The following FAM120AOS variants were observed in gnomAD, a reference collection of about 807,000 sequenced individuals.
FAM120AOS encodes uncharacterized protein FAM120AOS.
FAM120AOS carries 15 observed loss-of-function variants against 20.2 expected under a neutral mutation model. The observed-to-expected ratio is 0.74, with a 90% CI of 0.50 to 1.15. The LOEUF is 1.15. Among genes scored for constraint, FAM120AOS ranks in the 50% most tolerant of loss-of-function variants. The pLI, the probability that FAM120AOS is intolerant of heterozygous loss-of-function variation, is 0.00. For synonymous variants in FAM120AOS, 154 were observed against 154.0 expected, an observed-to-expected ratio of 1.00 and a Z score of 0.00; for missense variants, 327 against 351.9, an observed-to-expected ratio of 0.93 and a Z score of 0.57.
At chr9:93,448,686 C>T (rs796374093) in intron 2 of FAM120AOS, among the ~76,000 whole-genome samples, 43 of 152,186 alleles carry the variant, frequency 2.8e-4, no homozygotes, top group African/African-American at 9.4e-4. Flanking sequence ...GGCGTGATCT[C>T]GGCTCACTGC....
At chr9:93,450,302 GATAAC>G (rs1170873192) in intron 2 of FAM120AOS, among the ~76,000 whole-genome samples, 172 bp downstream of exon 2, 1 of 152,194 alleles carries the variant, frequency 6.6e-6, no homozygotes, top group African/African-American at 2.4e-5. Context: ...ATTATTTTTA[GATAAC>G]ATGTCATCCT....
intron 1 of FAM120AOS, chr9:93,451,389 C>T: frequency 7.2e-7 from 1 of 1,396,114 alleles, no homozygotes; most frequent in Non-Finnish European, 9.3e-7. Flanking sequence ...GCCTCTCTGG[C>T]CCTGCCGGGA....
At position 93,443,377 on chromosome 9, in the gene FAM120AOS, A is replaced by C. The variant is rs528919235; in HGVS notation, c.*4234T>G. Among the ~76,000 whole-genome samples, 4 of 152,342 alleles carry C rather than the reference A, an allele frequency of 2.6e-5. No individual in the cohort carries two copies. The highest frequency in any genetic ancestry group is 1.3e-4 in the Admixed American group (2 of 15,302). On this transcript the variant is annotated 3_prime_UTR_variant, in exon 3 of 3. Transcript: ENST00000375412. ...TGTTTCCTTATACATTTCTAACAGT[A>C]CAAGATTATCAATGTTTTGACAATT...
chr9:93,450,812 CAGA>C lies in FAM120AOS; in HGVS notation c.564-216_564-214del. The stretch of plus-strand genomic sequence containing the variant: ...AGAATTTACGTAAACGACCTCCTTC[CAGA>C]AGATGCTACTAAAGCAACAAGATTC... On this transcript the variant is annotated intron_variant, in intron 1 of 2. Coordinates refer to ENST00000375412, the MANE Select transcript of FAM120AOS (RefSeq NM_198841.4). The C allele has an allele frequency of 4.3e-6, 4 of 937,600 alleles. No individual in the cohort carries two copies. The South Asian group carries it at 5.6e-5, about 13-fold the overall frequency. 58.1% of individuals were successfully genotyped at this position (937,600 alleles called of 1,614,324 possible).
At chr9:93,451,252 G>A (rs2131152547) in intron 1 of FAM120AOS, 1 of 1,507,036 alleles carries the variant, frequency 6.6e-7, no homozygotes, top group Non-Finnish European at 8.9e-7. Flanking sequence ...GACGAACAGA[G>A]TGACTCGGCC....
In FAM120AOS at chr9:93,446,189, T is replaced by C. The variant is rs1299250384; in HGVS notation, c.*1422A>G. ...GCTCTCGTCAACCCTGACCTCTTCC[T>C]TTGTCAGCAAGGTCAAACGCCTGAG... is the stretch of plus-strand genomic sequence containing the variant. On this transcript the variant is annotated 3_prime_UTR_variant, in exon 3 of 3. Transcript: ENST00000375412. Among the ~76,000 whole-genome samples the C allele has an allele frequency of 6.6e-6, 1 of 152,222 alleles. No homozygotes were observed. Among genetic ancestry groups the C allele is most frequent in the Non-Finnish European group, 1.5e-5 (1 of 68,032 alleles).
chr9:93,451,839 G>T (rs1857233703), intron 1 of FAM120AOS: 1 of 745,058 alleles, frequency 1.3e-6, no homozygotes, highest in Non-Finnish European at 1.5e-6. Flanking sequence ...CCGCCAGCCC[G>T]CCCGCGCGCC....
rs1171193813 is a variant in FAM120AOS at position 93,453,462 on chromosome 9, C to G, written c.-753G>C. On this transcript the variant is annotated 5_prime_UTR_variant, in exon 1 of 3. Transcript: ENST00000375412. ...GCCTTTTTGTTGTCTTAGCTCTTGA[C>G]ACTCGGTCTTCCATCTTGTCATTTG... The G allele has an allele frequency of 2.0e-6, 2 of 985,322 alleles. No individual in the cohort carries two copies. The allele number at this position is 985,322 out of a possible 1,614,324, so 61.0% of individuals were successfully genotyped here.
Position 93,444,027 on chromosome 9 carries a change from A to AT in FAM120AOS, c.*3583dup, listed in dbSNP as rs1173681296. Among the ~76,000 whole-genome samples the AT allele has an allele frequency of 2.0e-5, 3 of 151,888 alleles. No homozygotes were observed. The East Asian group carries it at 5.8e-4, about 29-fold the overall frequency. On this transcript the variant is annotated 3_prime_UTR_variant, in exon 3 of 3. Coordinates refer to ENST00000375412, the MANE Select transcript of FAM120AOS (RefSeq NM_198841.4). ...GAAAGACAGGTTTTCTCTCAGGGGA[A>AT]TTTTTTTGTTTGTTTTTGTTTTTGT... is the stretch of plus-strand genomic sequence containing the variant.
chr9:93,451,831 G>A (rs1487327526), intron 1 of FAM120AOS: 5 of 598,428 alleles, frequency 8.4e-6, no homozygotes, highest in Non-Finnish European at 7.7e-6. Context: ...GCCCCCGCCC[G>A]CCAGCCCGCC....
At position 93,444,572 on chromosome 9, in the gene FAM120AOS, C is replaced by T. The variant is rs147656988; in HGVS notation, c.*3039G>A. Among the ~76,000 whole-genome samples, 1 of 151,834 alleles carries T rather than the reference C, an allele frequency of 6.6e-6. No individual in the cohort carries two copies. Among genetic ancestry groups the T allele is most frequent in the Non-Finnish European group, 1.5e-5 (1 of 67,976 alleles). The stretch of plus-strand genomic sequence containing the variant: ...ACAGGATTTCTAGACCTGTAGGTTA[C>T]GGAAATGTCACAGTATGTTTTGAGG... On this transcript the variant is annotated 3_prime_UTR_variant, in exon 3 of 3. Coordinates refer to ENST00000375412, the MANE Select transcript of FAM120AOS (RefSeq NM_198841.4).
rs139280900 is a variant in FAM120AOS at position 93,448,233 on chromosome 9, C to G, written c.685-536G>C. 1.3e-3 allele frequency: 202 copies of G among 154,238 alleles called. 1 individual carries two copies. Among genetic ancestry groups the G allele is most frequent in the Non-Finnish European group, 2.3e-3 (161 of 69,166 alleles). 9.6% of individuals were successfully genotyped at this position (154,238 alleles called of 1,614,324 possible). On this transcript the variant is annotated intron_variant, in intron 2 of 2. Coordinates refer to ENST00000375412, the MANE Select transcript of FAM120AOS (RefSeq NM_198841.4). The stretch of plus-strand genomic sequence containing the variant: ...ATTAGGCTGGGCGCGGTAGCTCATG[C>G]CTGTAATCCCTGCACTTTGGGAGGC...
intron 1 of FAM120AOS, chr9:93,451,136 C>T (rs1222127809): frequency 1.3e-6 from 2 of 1,550,586 alleles, no homozygotes; most frequent in Admixed American, 2.0e-5. Flanking sequence ...TTCCAAGAAG[C>T]CAGGCGCGGC....
intron 1 of FAM120AOS, chr9:93,451,688 G>C (rs1158396447): frequency 6.8e-5 from 66 of 977,156 alleles, no homozygotes; most frequent in Non-Finnish European, 7.8e-5. Flanking sequence ...CCTCGGCCTC[G>C]GCCTCGCAGC....
In FAM120AOS at chr9:93,447,550, G is replaced by T; in HGVS notation, c.*61C>A. ...GTGAATAGAGCATTTTCCCTCACAC[G>T]ATGGGTATCAGGGTGGTTTCTTGTC... On this transcript the variant is annotated 3_prime_UTR_variant, in exon 3 of 3. Transcript: ENST00000375412. 7.2e-7 allele frequency: 1 copy of T among 1,398,036 alleles called. No individual in the cohort carries two copies. The highest frequency in any genetic ancestry group is 1.0e-6 in the Non-Finnish European group (1 of 990,850). 86.6% of individuals were successfully genotyped at this position (1,398,036 alleles called of 1,614,324 possible). A position where few individuals can be genotyped will look rare whatever the true frequency, so the allele number is the denominator to read the frequency against.
intron 1 of FAM120AOS, chr9:93,451,196 C>T (rs1857158960): frequency 1.3e-6 from 2 of 1,540,942 alleles, no homozygotes; most frequent in Non-Finnish European, 1.8e-6. Context: ...GGGCAGCAGG[C>T]CCAGAGTGGT....
rs1856904350 is a variant in FAM120AOS, at chr9:93,447,691, T to C, written c.691A>G (p.Arg231Gly). 6.2e-7 allele frequency: 1 copy of C among 1,608,732 alleles called. No individual in the cohort carries two copies. The change falls in exon 3 of 3, where the codon AGA becomes GGA. Residue 231 changes from arginine (R) to glycine (G), a missense_variant. Arg to Gly is a moderately radical substitution (Grantham distance 125). Around this residue, in one of 3 missense-constraint regions of FAM120AOS, gnomAD observed 86 missense variants for 82.9 expected, o/e 1.04. Transcript: ENST00000375412. ...ACTTTGTTATTGACAGAACAGCTTCTGGAAATCTGAAAAGAAAAAAAAAAA... is the reference window on the plus strand; with the variant it reads ...ACTTTGTTATTGACAGAACAGCTTCCGGAAATCTGAAAAGAAAAAAAAAAA... The part of the protein sequence containing the change: ...APILPVKKIS[R>G]SCSVNNKVSK...
In FAM120AOS at chr9:93,452,550, A is replaced by C; in HGVS notation, c.160T>G (p.Ser54Ala). 1.9e-6 allele frequency: 3 copies of C among 1,580,188 alleles called. No individual in the cohort carries two copies. The highest frequency in any genetic ancestry group is 2.6e-6 in the Non-Finnish European group (3 of 1,169,740). ...WAARGLHPRP[S>A]ILQPGPARLS... ...CTGGCCGGGCCGGGCTGCAAGATGG[A>C]TGGCCGCGGGTGCAGGCCGCGCGCT... Residue 54 changes from serine to alanine, a missense_variant, in exon 1 of 3, where the codon TCC becomes GCC. Around this residue, in one of 3 missense-constraint regions of FAM120AOS, gnomAD observed 155 missense variants for 128.8 expected, o/e 1.20. Coordinates refer to ENST00000375412, the MANE Select transcript of FAM120AOS (RefSeq NM_198841.4). The surrounding 1 kb of genome is among the most constrained non-coding windows in gnomAD (Gnocchi z 7.0).
rs779635834 is a variant in FAM120AOS, at chr9:93,447,682, A to C, written c.700T>G (p.Ser234Ala). ...LPVKKISRSC[S>A]VNNKVSKKTT... Reference sequence around the variant, plus strand: ...TTCTTTGAGACTTTGTTATTGACAGAACAGCTTCTGGAAATCTGAAAAGAA... The same window carrying C: ...TTCTTTGAGACTTTGTTATTGACAGCACAGCTTCTGGAAATCTGAAAAGAA... The change falls in exon 3 of 3, where the codon TCT becomes GCT. Residue 234 changes from serine to alanine, a missense_variant. Coordinates refer to ENST00000375412, the MANE Select transcript of FAM120AOS (RefSeq NM_198841.4). The C allele has an allele frequency of 1.9e-6, 3 of 1,613,064 alleles. No individual in the cohort carries two copies. The African/African-American group carries it at 4.0e-5, about 22-fold the overall frequency.
Sources: allele counts gnomAD v4.1 joint callset (sites outside exome capture counted in the v4.1 genomes callset), GRCh38; gene constraint gnomAD v4.1.1; regional missense constraint gnomAD v4.1.1; non-coding constraint Gnocchi (gnomAD v3.1); transcripts MANE v1.5; gene names NCBI Gene and HGNC (gene_info 2026-07-23, HGNC 2026-07-21).